Variants in SPOCK3 observed in about 807,000 individuals in gnomAD.
The protein encoded by SPOCK3 is testican-3.
Under a neutral mutation model 56.6 loss-of-function variants are expected in SPOCK3, and 30 were observed. The observed-to-expected ratio is 0.53, with a 90% confidence interval of 0.40 to 0.72. The LOEUF is 0.72. Among genes scored for constraint, SPOCK3 ranks in the 30% least tolerant of loss-of-function variants. The pLI is 0.00. For missense variants in SPOCK3, 527 were observed against 530.0 expected, an observed-to-expected ratio of 0.99 and a Z score of 0.06; for synonymous variants, 196 against 183.3, an observed-to-expected ratio of 1.07 and a Z score of -0.56.
chr4:167,067,945 A>G (rs1382001673), intron 2 of SPOCK3, among the ~76,000 whole-genome samples: 2 of 151,636 alleles, frequency 1.3e-5, no homozygotes, highest in East Asian at 3.9e-4. Flanking sequence ...TCATTAATGT[A>G]TCACTGTTTA....
intron 2 of SPOCK3, among the ~76,000 whole-genome samples, chr4:167,195,136 A>G (rs1732821247): frequency 1.3e-5 from 2 of 152,188 alleles, no homozygotes; most frequent in Admixed American, 1.3e-4. Flanking sequence ...TGGCTGCTTC[A>G]GGATCTGCAG....
intron 2 of SPOCK3, among the ~76,000 whole-genome samples, chr4:167,105,017 C>A (rs1263754264): frequency 6.6e-6 from 1 of 151,898 alleles, no homozygotes; most frequent in Non-Finnish European, 1.5e-5. Flanking sequence ...GTGAAAATAT[C>A]TTTCAAATAT....
At chr4:166,903,912 A>G (rs901439426) in intron 5 of SPOCK3, among the ~76,000 whole-genome samples, 1 of 152,074 alleles carries the variant, frequency 6.6e-6, no homozygotes. Flanking sequence ...ATGATATGAC[A>G]GTCACATTCT....
At chr4:166,772,451 G>A (rs1344804497) in intron 7 of SPOCK3, among the ~76,000 whole-genome samples, 2 of 151,996 alleles carry the variant, frequency 1.3e-5, no homozygotes, top group Middle Eastern at 3.4e-3. Flanking sequence ...ATTTCCAGGA[G>A]CATACAATTC....
At chr4:166,851,464 C>T (rs986279405) in intron 6 of SPOCK3, among the ~76,000 whole-genome samples, 28 of 152,298 alleles carry the variant, frequency 1.8e-4, no homozygotes, top group East Asian at 5.8e-4. Context: ...CAAAGCTGGA[C>T]GGAGAATGAC....
intron 6 of SPOCK3, among the ~76,000 whole-genome samples, chr4:166,845,840 G>A (rs1748000186): frequency 6.6e-6 from 1 of 152,120 alleles, no homozygotes; most frequent in African/African-American, 2.4e-5. Flanking sequence ...TATGGGAATA[G>A]GTTATGAGAA....
intron 6 of SPOCK3, among the ~76,000 whole-genome samples, chr4:166,842,250 G>A (rs1201169564): frequency 6.6e-6 from 1 of 152,200 alleles, no homozygotes; most frequent in Non-Finnish European, 1.5e-5. Context: ...CGTTGCTTTT[G>A]CTGGCTCTGG....
chr4:166,949,297 T>A (rs1742193340), intron 4 of SPOCK3, among the ~76,000 whole-genome samples: 1 of 152,196 alleles, frequency 6.6e-6, no homozygotes, highest in Admixed American at 6.6e-5. Context: ...AATTTCCTCC[T>A]GTAGCTTGTA....
intron 2 of SPOCK3, among the ~76,000 whole-genome samples, chr4:167,104,990 C>T (rs1024885912): frequency 6.6e-5 from 10 of 151,920 alleles, no homozygotes; most frequent in African/African-American, 2.4e-4. Context: ...AACTTTTACC[C>T]TAGAATAGAA....
chr4:166,836,459 G>A (rs987016378), intron 6 of SPOCK3, among the ~76,000 whole-genome samples: 5 of 152,252 alleles, frequency 3.3e-5, no homozygotes, highest in Non-Finnish European at 7.4e-5. Flanking sequence ...ACAAGGCATC[G>A]TTGTTTGTAG....
intron 9 of SPOCK3, among the ~76,000 whole-genome samples, chr4:166,741,265 T>G (rs1335139461): frequency 6.6e-6 from 1 of 152,234 alleles, no homozygotes; most frequent in Non-Finnish European, 1.5e-5. Context: ...AATGCTAATT[T>G]CTTAGATATT....
intron 4 of SPOCK3, among the ~76,000 whole-genome samples, chr4:166,996,278 A>T (rs954370504): frequency 2.0e-5 from 3 of 152,102 alleles, no homozygotes; most frequent in Non-Finnish European, 4.4e-5. Flanking sequence ...ACTCTGTCTT[A>T]TTATGCCAAA....
At chr4:166,999,585 A>G (rs1383969221) in intron 4 of SPOCK3, among the ~76,000 whole-genome samples, 1 of 152,204 alleles carries the variant, frequency 6.6e-6, no homozygotes. Context: ...TAAGTCCATT[A>G]TCAGAGAAAG....
intron 3 of SPOCK3, among the ~76,000 whole-genome samples, chr4:167,030,233 A>C (rs1160410217): frequency 6.6e-6 from 1 of 152,012 alleles, no homozygotes; most frequent in Non-Finnish European, 1.5e-5. Flanking sequence ...TTTCAATAAA[A>C]TTATTTTAGT....
chr4:167,115,514 G>C (rs1761258476), intron 2 of SPOCK3, among the ~76,000 whole-genome samples: 1 of 152,072 alleles, frequency 6.6e-6, no homozygotes, highest in African/African-American at 2.4e-5. Context: ...TAATACTGCT[G>C]TAATACTTGA....
At chr4:166,788,293 T>G (rs1740957252) in intron 7 of SPOCK3, among the ~76,000 whole-genome samples, 1 of 152,132 alleles carries the variant, frequency 6.6e-6, no homozygotes, top group Admixed American at 6.6e-5. Flanking sequence ...TGTTTTTCAA[T>G]AAAGCCAACT....
chr4:167,077,373 T>C (rs1757294850), intron 2 of SPOCK3, among the ~76,000 whole-genome samples: 1 of 151,692 alleles, frequency 6.6e-6, no homozygotes, highest in South Asian at 2.1e-4. Context: ...AAAAAAGCTA[T>C]AGCCCAAATG....
intron 7 of SPOCK3, among the ~76,000 whole-genome samples, chr4:166,765,171 T>A (rs2126530788): frequency 6.6e-6 from 1 of 151,804 alleles, no homozygotes; most frequent in East Asian, 1.9e-4. Flanking sequence ...TTTCTTTTGC[T>A]GTGAAGCTCT....
chr4:166,851,375 G>C (rs555994320), intron 6 of SPOCK3, among the ~76,000 whole-genome samples: 6 of 152,330 alleles, frequency 3.9e-5, no homozygotes, highest in African/African-American at 1.4e-4. Context: ...GGAAAAGATA[G>C]AGCAGAAAAA....
Sources: allele counts gnomAD v4.1 joint callset (sites outside exome capture counted in the v4.1 genomes callset), GRCh38; gene constraint gnomAD v4.1.1; transcripts MANE v1.5; gene names NCBI Gene and HGNC (gene_info 2026-07-23, HGNC 2026-07-21).